MYH1: variants seen among roughly 807,000 people sequenced by gnomAD.
The protein encoded by MYH1 is myosin-1.
MYH1 carries 214 observed loss-of-function variants against 225.6 expected under a neutral mutation model. That is an observed-to-expected ratio of 0.95 (90% CI 0.85 to 1.06). MYH1 has a LOEUF of 1.06. Ranked by LOEUF, MYH1 falls within the 50% of genes least tolerant of loss-of-function variation. The pLI, the probability that MYH1 is intolerant of heterozygous loss-of-function variation, is 0.00. For synonymous variants in MYH1, 774 were observed against 842.3 expected, an observed-to-expected ratio of 0.92 and a Z score of 1.40; for missense variants, 2,098 against 2,344.2, an observed-to-expected ratio of 0.89 and a Z score of 2.17.
chr17:10,500,643 C>A lies in MYH1; in HGVS notation c.3848G>T (p.Arg1283Leu), dbSNP rs749373460. 1.2e-6 allele frequency: 2 copies of A among 1,613,478 alleles called. No homozygotes were observed. The highest frequency in any genetic ancestry group is 2.2e-5 in the East Asian group (1 of 44,876). Residue 1283 changes from arginine to leucine, a missense_variant, in exon 28 of 40, where the codon CGC (arginine) becomes CTC (leucine). Physicochemically the swap from Arg to Leu is moderately radical, Grantham distance 102 (BLOSUM62 -2). Coordinates refer to ENST00000226207, the MANE Select transcript of MYH1 (RefSeq NM_005963.4). Reference protein sequence around the residue: ...LINDLTAQRARLQTESGEYSR... With the variant: ...LINDLTAQRALLQTESGEYSR... ...TGGCCCACCTGATTCTGTTTGCAGGCGCGCTCTCTGTGCTGTGAGGTCATT... is the reference window on the plus strand; with the variant it reads ...TGGCCCACCTGATTCTGTTTGCAGGAGCGCTCTCTGTGCTGTGAGGTCATT...
In MYH1 at chr17:10,497,597, C is replaced by T. The variant is rs1487898567; in HGVS notation, c.4365+137G>A. 1.7e-5 allele frequency: 25 copies of T among 1,487,158 alleles called. No individual in the cohort carries two copies. In the South Asian group the frequency reaches 2.3e-4, roughly 14 times the overall value. The allele number at this position is 1,487,158 out of a possible 1,614,324, so 92.1% of individuals were successfully genotyped here. On this transcript the variant is annotated intron_variant, in intron 31 of 39. Transcript: ENST00000226207. ...AAGAATAGAAACCATAGGAGCACTT[C>T]CCCTCTCCACAGACAGCTGCTGATG...
Position 10,513,679 on chromosome 17 carries a change from A to G in MYH1, c.752T>C (p.Ile251Thr). 1.2e-6 allele frequency: 2 copies of G among 1,614,144 alleles called. No individual in the cohort carries two copies. The highest frequency in any genetic ancestry group is 8.5e-7 in the Non-Finnish European group (1 of 1,179,970). Residue 251 changes from isoleucine (I) to threonine (T), a missense_variant, in exon 9 of 40, where the codon ATC becomes ACC. Physicochemically the swap from Ile to Thr is moderately conservative, Grantham distance 89. Transcript: ENST00000226207. Reference protein sequence around the residue: ...NDNSSRFGKFIRIHFGTTGKL... With the variant: ...NDNSSRFGKFTRIHFGTTGKL... ...CCCTGTGGTACCGAAGTGGATCCTG[A>G]TGAATTTACCCTTGTAAGTAAAAAA...
chr17:10,492,575 A>T lies in MYH1; in HGVS notation c.5668-7T>A, dbSNP rs758332172. ...TGACGTTGGATTGTTCCTCCTGTGA[A>T]TGGAAATCCATTTATGAGGGAAGAA... is the stretch of plus-strand genomic sequence containing the variant. On this transcript the variant is annotated splice_region_variant and splice_polypyrimidine_tract_variant and intron_variant, in intron 39 of 39. Transcript: ENST00000226207. The T allele has an allele frequency of 8.1e-6, 13 of 1,605,046 alleles. No individual in the cohort carries two copies. Among genetic ancestry groups the T allele is most frequent in the Non-Finnish European group, 9.3e-6 (11 of 1,176,596 alleles).
chr17:10,498,758 T>C lies in MYH1; in HGVS notation c.4049A>G (p.Gln1350Arg), dbSNP rs779794149. 1.2e-6 allele frequency: 2 copies of C among 1,614,210 alleles called. No individual in the cohort carries two copies. The highest frequency in any genetic ancestry group is 3.3e-5 in the Admixed American group (2 of 60,034). Residue 1350 changes from glutamine to arginine, a missense_variant, in exon 30 of 40, where the codon CAG becomes CGG. Coordinates refer to ENST00000226207, the MANE Select transcript of MYH1 (RefSeq NM_005963.4). ...SRHDCDLLRE[Q>R]YEEEQEAKAE... ...CTTGGCTTCCTGCTCCTCCTCATAC[T>C]GTTCCCGCAGCAGGTCACAGTCATG...
At chr17:10,510,637 G>A (rs767577557) in intron 14 of MYH1, among the ~76,000 whole-genome samples, 10 of 152,108 alleles carry the variant, frequency 6.6e-5, no homozygotes, top group Non-Finnish European at 1.5e-4. Context: ...AAAAGTCAAA[G>A]GAATTCTATG....
At position 10,507,981 on chromosome 17, in the gene MYH1, T is replaced by C. The variant is rs769789245; in HGVS notation, c.1898-25A>G. ...TCTGAGGGGAAAAAGAAAGCAATCA[T>C]AGGACAGCCTTTCTCTGGTTATGGT... On this transcript the variant is annotated intron_variant, in intron 16 of 39. Coordinates refer to ENST00000226207, the MANE Select transcript of MYH1 (RefSeq NM_005963.4). The C allele has an allele frequency of 4.5e-6, 7 of 1,572,088 alleles. No homozygotes were observed. The Admixed American group carries it at 8.5e-5, about 19-fold the overall frequency.
rs558627052 is a variant in MYH1 at position 10,505,363 on chromosome 17, T to A, written c.2298+25A>T. On this transcript the variant is annotated intron_variant, in intron 20 of 39. Transcript: ENST00000226207. ...AAAGTTCAAAGGGACAGGAATAGCA[T>A]CAGGTAGGATTTACAGAATATTACC... The A allele has an allele frequency of 1.4e-4, 222 of 1,614,212 alleles. 1 individual carries two copies. In the South Asian group the frequency reaches 2.2e-3, roughly 16 times the overall value.
rs1446734945 is a variant in MYH1 at position 10,508,530 on chromosome 17, T to G, written c.1730A>C (p.Glu577Ala). 6.2e-7 allele frequency: 1 copy of G among 1,614,022 alleles called. No individual in the cohort carries two copies. The highest frequency in any genetic ancestry group is 8.5e-7 in the Non-Finnish European group (1 of 1,180,032). ...ATAGTGAATCAAAGAGAAGTGGGCC[T>G]CAGGCTTGCCTTTGGCAGGCTTGGG... ...QKPKPAKGKPEAHFSLIHYAG... is the reference protein window; with the variant it reads ...QKPKPAKGKPAAHFSLIHYAG... Residue 577 changes from glutamate (E) to alanine (A), a missense_variant, in exon 16 of 40, where the codon GAG (glutamate) becomes GCG (alanine). Transcript: ENST00000226207.
chr17:10,505,114 A>G (rs773112343), intron 21 of MYH1, 49 bp from the exon 22 acceptor site: 28 of 1,612,914 alleles, frequency 1.7e-5, no homozygotes, highest in Non-Finnish European at 2.4e-5. Context: ...AAGAAGCAGA[A>G]TTAAAACACC....
chr17:10,505,749 A>C (rs2073104782), intron 19 of MYH1, 63 bp downstream of exon 19: 4 of 1,597,046 alleles, frequency 2.5e-6, no homozygotes, highest in African/African-American at 1.3e-5. Flanking sequence ...GGATTCTTTC[A>C]TTGAAAAATG....
At chr17:10,504,246 A>C (rs1240245776) in intron 22 of MYH1, among the ~76,000 whole-genome samples, 1 of 152,176 alleles carries the variant, frequency 6.6e-6, no homozygotes, top group Non-Finnish European at 1.5e-5. Context: ...AAGAATATCA[A>C]CCCTATCTCT....
chr17:10,512,597 T>A (rs1226742950), intron 11 of MYH1, 51 bp from the exon 12 acceptor site: 1 of 1,612,880 alleles, frequency 6.2e-7, no homozygotes, highest in African/African-American at 1.3e-5. Context: ...GAATTTATAC[T>A]GTATCTTTTA....
chr17:10,494,606 C>T lies in MYH1; in HGVS notation c.5534G>A (p.Arg1845His), dbSNP rs763718197. The T allele has an allele frequency of 1.9e-5, 31 of 1,614,074 alleles. No individual in the cohort carries two copies. The highest frequency in any genetic ancestry group is 1.6e-4 in the Middle Eastern group (1 of 6,062). ...TTCCTTCACTTTTCTCTCATGTTTG[C>T]GTAGACCCTTGACAGCTTCAACATT... is the stretch of plus-strand genomic sequence containing the variant. ...KRNVEAVKGL[R>H]KHERKVKELT... is the part of the protein sequence containing the mutation. Residue 1845 changes from arginine to histidine, a missense_variant, in exon 38 of 40, where the codon CGC becomes CAC. By Grantham distance (29) the Arg-to-His change is conservative (BLOSUM62 0). Coordinates refer to ENST00000226207, the MANE Select transcript of MYH1 (RefSeq NM_005963.4).
intron 27 of MYH1, 71 bp from the exon 28 acceptor site, chr17:10,500,823 C>G (rs891386101): frequency 6.3e-7 from 1 of 1,595,850 alleles, no homozygotes; most frequent in Non-Finnish European, 8.6e-7. Flanking sequence ...GTAATCTAAA[C>G]ATTCCATATG....
chr17:10,508,411 T>C lies in MYH1; in HGVS notation c.1849A>G (p.Met617Val), dbSNP rs143881545. 1.1e-5 allele frequency: 18 copies of C among 1,613,890 alleles called. 1 individual carries two copies. Among genetic ancestry groups the C allele is most frequent in the African/African-American group, 2.7e-5 (2 of 75,040 alleles). The change falls in exon 16 of 40, where the codon ATG (methionine) becomes GTG (valine). Residue 617 changes from methionine (M) to valine (V), a missense_variant. By Grantham distance (21) the Met-to-Val change is conservative (BLOSUM62 1). Transcript: ENST00000226207. The stretch of plus-strand genomic sequence containing the variant: ...ACAAAGAGGAGAGCCAGAGTCTTCA[T>C]TGCAGACTTCTGGTACAGCCCCACC... Reference protein sequence around the residue: ...TVVGLYQKSAMKTLALLFVGA... With the variant: ...TVVGLYQKSAVKTLALLFVGA...
intron 33 of MYH1, among the ~76,000 whole-genome samples, 197 bp from the exon 34 acceptor site, chr17:10,496,746 T>C (rs2072999154): frequency 6.6e-6 from 1 of 152,250 alleles, no homozygotes; most frequent in African/African-American, 2.4e-5. Context: ...GCCTTTGTGC[T>C]GCCATCATAC....
At chr17:10,517,197 A>G (rs2073237906) in intron 2 of MYH1, among the ~76,000 whole-genome samples, 1 of 152,226 alleles carries the variant, frequency 6.6e-6, no homozygotes, top group South Asian at 2.1e-4. Flanking sequence ...ATATGTTGCT[A>G]TAATTTTAGG....
chr17:10,496,190 A>G, intron 34 of MYH1, 37 bp from the exon 35 acceptor site: 1 of 1,614,140 alleles, frequency 6.2e-7, no homozygotes, highest in Non-Finnish European at 8.5e-7. Flanking sequence ...CCATGTATTC[A>G]GGGTTGCAGG....
At chr17:10,498,065 TC>T in intron 30 of MYH1, 148 bp from the exon 31 acceptor site, 1 of 774,630 alleles carries the variant, frequency 1.3e-6, no homozygotes, top group Non-Finnish European at 1.9e-6. Flanking sequence ...ATTAACTCAT[TC>T]CCATTATCCT....
Sources: gnomAD v4.1 joint callset for allele counts (sites outside exome capture counted in the v4.1 genomes callset) on GRCh38, gnomAD v4.1.1 for gene constraint, MANE v1.5 for transcripts, NCBI Gene and HGNC (gene_info 2026-07-23, HGNC 2026-07-21) for gene names.